Variants in MYO18B observed in about 807,000 individuals in gnomAD.
MYO18B encodes unconventional myosin-XVIIIb.
Under a neutral mutation model 273.0 loss-of-function variants are expected in MYO18B, and 204 were observed. The ratio of observed to expected loss-of-function variants is 0.75; its 90% confidence interval spans 0.67 to 0.84. MYO18B has a LOEUF of 0.84. Ranked by LOEUF, MYO18B falls within the 40% of genes least tolerant of loss-of-function variation. The pLI is 0.00. For synonymous variants in MYO18B, 1,330 were observed against 1,305.7 expected, an observed-to-expected ratio of 1.02 and a Z score of -0.40; for missense variants, 3,212 against 3,287.6, an observed-to-expected ratio of 0.98 and a Z score of 0.56.
intron 42 of MYO18B, among the ~76,000 whole-genome samples, chr22:26,007,804 T>C (rs939536710): frequency 2.0e-5 from 3 of 152,218 alleles, no homozygotes; most frequent in Admixed American, 2.0e-4. Context: ...CTTCTAGCTC[T>C]TTTTAATTGC....
intron 20 of MYO18B, among the ~76,000 whole-genome samples, chr22:25,851,028 A>G (rs1237284810): frequency 6.6e-6 from 1 of 151,834 alleles, no homozygotes; most frequent in Admixed American, 6.5e-5. Flanking sequence ...CATGCTTCAC[A>G]TACAGTGTAT....
intron 34 of MYO18B, among the ~76,000 whole-genome samples, chr22:25,933,170 C>T (rs373298265): frequency 1.1e-4 from 16 of 152,042 alleles, no homozygotes; most frequent in African/African-American, 3.4e-4. Flanking sequence ...GAATGTGAAC[C>T]CCTATTTCTT....
intron 10 of MYO18B, 34 bp from the exon 11 acceptor site, chr22:25,785,394 C>G (rs922094820): frequency 4.4e-6 from 7 of 1,582,440 alleles, no homozygotes; most frequent in Non-Finnish European, 6.0e-6. Flanking sequence ...GTGTGGACAG[C>G]CCCCCTGACT....
At chr22:26,012,583 C>T (rs1271236890) in intron 42 of MYO18B, among the ~76,000 whole-genome samples, 1 of 152,164 alleles carries the variant, frequency 6.6e-6, no homozygotes, top group Non-Finnish European at 1.5e-5. Context: ...CAGGTGAAGT[C>T]TGAATGTAGA....
At chr22:25,849,640 C>G (rs2090364570) in intron 20 of MYO18B, among the ~76,000 whole-genome samples, 1 of 152,142 alleles carries the variant, frequency 6.6e-6, no homozygotes, top group East Asian at 1.9e-4. Context: ...TATCGTGCAG[C>G]CTGGTAGGCA....
chr22:25,802,394 T>C (rs1378107166), intron 12 of MYO18B, among the ~76,000 whole-genome samples: 1 of 152,116 alleles, frequency 6.6e-6, no homozygotes, highest in African/African-American at 2.4e-5. Context: ...TATGCAGGCA[T>C]GATTGATCAA....
chr22:25,752,409 G>A (rs7286757), intron 1 of MYO18B, among the ~76,000 whole-genome samples: 46,639 of 150,364 alleles, frequency 0.31, 7,554 homozygotes, highest in South Asian at 0.41. Context: ...GGATGGTCTC[G>A]ATCTCCTGAC....
At chr22:25,941,574 C>T (rs2092644715) in intron 34 of MYO18B, among the ~76,000 whole-genome samples, 2 of 152,204 alleles carry the variant, frequency 1.3e-5, no homozygotes, top group Admixed American at 6.5e-5. Flanking sequence ...AAACAGCCTC[C>T]GTATGGAAAT....
chr22:25,947,905 G>A, intron 36 of MYO18B, 77 bp downstream of exon 36: 1 of 1,056,194 alleles, frequency 9.5e-7, no homozygotes, highest in Non-Finnish European at 1.4e-6. Context: ...AAGGTGATGT[G>A]GTTGGACTAC....
intron 38 of MYO18B, among the ~76,000 whole-genome samples, chr22:25,954,642 C>T (rs1056475621): frequency 2.6e-5 from 4 of 152,110 alleles, no homozygotes; most frequent in African/African-American, 7.2e-5. Flanking sequence ...GGATTTGAAC[C>T]CAGAGGGTCT....
At chr22:25,949,802 T>C (rs1365560944) in intron 36 of MYO18B, among the ~76,000 whole-genome samples, 1 of 152,070 alleles carries the variant, frequency 6.6e-6, no homozygotes, top group Non-Finnish European at 1.5e-5. Flanking sequence ...AAATAGAAAG[T>C]AAAGAGGTGT....
intron 34 of MYO18B, among the ~76,000 whole-genome samples, chr22:25,943,282 C>A (rs1029345836): frequency 6.6e-6 from 1 of 152,152 alleles, no homozygotes; most frequent in Non-Finnish European, 1.5e-5. Flanking sequence ...CCGATTCTTC[C>A]ATTTCTTTCC....
chr22:25,794,099 A>T (rs932095249), intron 11 of MYO18B, among the ~76,000 whole-genome samples: 6 of 151,604 alleles, frequency 4.0e-5, no homozygotes, highest in East Asian at 3.9e-4. Context: ...ACGCCAGGCT[A>T]ATTTTTTGTA....
chr22:25,815,856 AC>A (rs2088977201), intron 12 of MYO18B, among the ~76,000 whole-genome samples: 1 of 152,014 alleles, frequency 6.6e-6, no homozygotes, highest in Non-Finnish European at 1.5e-5. Context: ...TCCCCCAAAC[AC>A]CTGCTCATAG....
chr22:25,829,088 G>C (rs951438790), intron 15 of MYO18B, 120 bp downstream of exon 15: 2 of 1,159,004 alleles, frequency 1.7e-6, no homozygotes, highest in Middle Eastern at 2.9e-4. Context: ...TGGTTCACCA[G>C]AGAACAAAGC....
chr22:25,810,491 T>G (rs2088698603), intron 12 of MYO18B, among the ~76,000 whole-genome samples: 1 of 147,006 alleles, frequency 6.8e-6, no homozygotes, highest in South Asian at 2.2e-4. Flanking sequence ...TGGAGTGCAG[T>G]GACGTGATCT....
At chr22:26,029,898 G>T (rs544623853) in intron 43 of MYO18B, among the ~76,000 whole-genome samples, 4 of 152,268 alleles carry the variant, frequency 2.6e-5, no homozygotes, top group African/African-American at 7.2e-5. Context: ...GGCACCCCAT[G>T]GATGCAGTAA....
At chr22:25,773,819 G>A (rs1177896015) in intron 7 of MYO18B, among the ~76,000 whole-genome samples, 1 of 152,224 alleles carries the variant, frequency 6.6e-6, no homozygotes, top group East Asian at 1.9e-4. Flanking sequence ...TAGGCTTAGA[G>A]AGAGTCCCTA....
At chr22:25,846,553 A>G (rs1371141186) in intron 19 of MYO18B, among the ~76,000 whole-genome samples, 1 of 152,208 alleles carries the variant, frequency 6.6e-6, no homozygotes, top group Non-Finnish European at 1.5e-5. Context: ...GGGAGTTCCC[A>G]GAAGCTATGA....
Sources: allele counts gnomAD v4.1 joint callset (sites outside exome capture counted in the v4.1 genomes callset), GRCh38; gene constraint gnomAD v4.1.1; transcripts MANE v1.5; gene names NCBI Gene and HGNC (gene_info 2026-07-23, HGNC 2026-07-21).